The following HDAC4 variants were observed in gnomAD, a reference collection of about 807,000 sequenced individuals.
The protein encoded by HDAC4 is histone deacetylase 4.
In HDAC4, 16 loss-of-function variants were observed where a neutral mutation model predicts 135.1. The observed-to-expected ratio is 0.12, with a 90% CI of 0.08 to 0.18. The LOEUF is 0.18. HDAC4 is among the 10% of genes least tolerant of loss of function. The pLI, the probability that HDAC4 is intolerant of heterozygous loss-of-function variation, is 1.00. For missense variants in HDAC4, 1,143 were observed against 1,511.8 expected, an observed-to-expected ratio of 0.76 and a Z score of 4.05; for synonymous variants, 685 against 653.4, an observed-to-expected ratio of 1.05 and a Z score of -0.74.
At chr2:239,197,015 T>G (rs1416091536) in intron 3 of HDAC4, among the ~76,000 whole-genome samples, 2 of 152,102 alleles carry the variant, frequency 1.3e-5, no homozygotes, top group Non-Finnish European at 2.9e-5. Context: ...GTCCAACTCC[T>G]CCAGGGGATT....
At chr2:239,364,376 G>C (rs1436320510) in intron 1 of HDAC4, among the ~76,000 whole-genome samples, 1 of 152,222 alleles carries the variant, frequency 6.6e-6, no homozygotes, top group African/African-American at 2.4e-5. Context: ...CCTATATGCA[G>C]TGACACAGAT....
intron 9 of HDAC4, among the ~76,000 whole-genome samples, chr2:239,136,330 A>AG (rs2040955176): frequency 1.3e-5 from 2 of 152,202 alleles, no homozygotes; most frequent in Non-Finnish European, 2.9e-5. Context: ...ACTTAACATG[A>AG]GGGCCTCTAG....
At chr2:239,385,339 G>A (rs902728428) in intron 1 of HDAC4, among the ~76,000 whole-genome samples, 3 of 152,262 alleles carry the variant, frequency 2.0e-5, no homozygotes, top group African/African-American at 7.2e-5. Context: ...AGCACTGGCT[G>A]GCAGTGTCAG....
chr2:239,152,939 G>A (rs2042205177), intron 7 of HDAC4, among the ~76,000 whole-genome samples: 1 of 152,242 alleles, frequency 6.6e-6, no homozygotes, highest in Non-Finnish European at 1.5e-5. Flanking sequence ...GATAGCTCCA[G>A]GAGAGAAGCA....
chr2:239,123,585 G>A (rs1413654300), intron 12 of HDAC4, among the ~76,000 whole-genome samples: 1 of 152,224 alleles, frequency 6.6e-6, no homozygotes, highest in Admixed American at 6.5e-5. Context: ...GGCCACAGCC[G>A]GCTGCCATCT....
At chr2:239,339,371 A>G (rs1575715856) in intron 2 of HDAC4, among the ~76,000 whole-genome samples, 1 of 152,264 alleles carries the variant, frequency 6.6e-6, no homozygotes, top group Admixed American at 6.5e-5. Flanking sequence ...AAAGGAAGCA[A>G]CCTCAGCCCC....
At position 239,310,670 on chromosome 2, in the gene HDAC4, G is replaced by A. The variant is rs555122391; in HGVS notation, c.22+42008C>T. 2.6e-5 allele frequency among the ~76,000 whole-genome samples: 4 copies of A among 152,338 alleles called. No homozygotes were observed. The East Asian group carries it at 7.7e-4, about 29-fold the overall frequency. ...GGAGTAAAGGCAATGATGCAAATAT[G>A]ATAAGCAAACAGAGGTCCCAAAACA... On this transcript the variant is annotated intron_variant, in intron 2 of 26. Coordinates refer to ENST00000543185, the MANE Select transcript of HDAC4 (RefSeq NM_001378414.1).
intron 16 of HDAC4, among the ~76,000 whole-genome samples, chr2:239,102,350 A>G (rs1318304363): frequency 3.9e-5 from 6 of 152,194 alleles, no homozygotes; most frequent in Non-Finnish European, 8.8e-5. Flanking sequence ...AGGTGCTTTC[A>G]GCCAGAGCCA....
chr2:239,264,574 C>A (rs1033050328), intron 2 of HDAC4, among the ~76,000 whole-genome samples: 1 of 152,206 alleles, frequency 6.6e-6, no homozygotes, highest in Admixed American at 6.5e-5. Flanking sequence ...CCCTCCTGAT[C>A]CTAAGTGGCC....
intron 7 of HDAC4, among the ~76,000 whole-genome samples, chr2:239,150,826 TACC>T (rs1217005114): frequency 2.7e-5 from 4 of 148,492 alleles, no homozygotes; most frequent in Non-Finnish European, 5.9e-5. Context: ...CTGAAGTATA[TACC>T]ACACCTTCAC....
chr2:239,317,721 A>G (rs2053165635), intron 2 of HDAC4, among the ~76,000 whole-genome samples: 1 of 152,230 alleles, frequency 6.6e-6, no homozygotes. Context: ...AGTTAACTAC[A>G]GGAGTCCACA....
intron 21 of HDAC4, 74 bp downstream of exon 21, chr2:239,082,028 G>A (rs2035385024): frequency 6.6e-7 from 1 of 1,524,076 alleles, no homozygotes; most frequent in Non-Finnish European, 9.1e-7. Context: ...GCTGTGGACC[G>A]TCTGCCCCGT....
intron 6 of HDAC4, among the ~76,000 whole-genome samples, chr2:239,159,289 CTCACT>C (rs918565438): frequency 6.6e-6 from 1 of 150,810 alleles, no homozygotes; most frequent in Non-Finnish European, 1.5e-5. Context: ...CACACCTCAC[CTCACT>C]ACTCACGCCC....
intron 1 of HDAC4, among the ~76,000 whole-genome samples, chr2:239,371,051 C>T (rs1178555682): frequency 6.6e-6 from 1 of 152,222 alleles, no homozygotes; most frequent in Admixed American, 6.5e-5. Context: ...CACTCCTCAG[C>T]TCCTGGCAGC....
intron 1 of HDAC4, among the ~76,000 whole-genome samples, chr2:239,373,195 G>A (rs1027353499): frequency 3.9e-5 from 6 of 152,120 alleles, no homozygotes; most frequent in Non-Finnish European, 5.9e-5. Context: ...CTGCAGCCGC[G>A]CGTACCTCCT....
At chr2:239,082,364 C>T in intron 20 of HDAC4, 143 bp from the exon 21 acceptor site, 1 of 1,099,460 alleles carries the variant, frequency 9.1e-7, no homozygotes, top group Non-Finnish European at 1.4e-6. Flanking sequence ...GGGCCCGTAC[C>T]CGGCAGGCGC....
intron 2 of HDAC4, among the ~76,000 whole-genome samples, chr2:239,289,890 C>T (rs1408341755): frequency 1.3e-5 from 2 of 152,212 alleles, no homozygotes; most frequent in Non-Finnish European, 2.9e-5. Flanking sequence ...TCAAATTACA[C>T]CTAACCTTAT....
chr2:239,162,112 C>T (rs970946787), intron 6 of HDAC4: 21 of 456,640 alleles, frequency 4.6e-5, no homozygotes, highest in Non-Finnish European at 7.5e-5. Context: ...TCACCGTGAC[C>T]CCTGCTTCCC....
intron 5 of HDAC4, among the ~76,000 whole-genome samples, chr2:239,172,504 A>C (rs2043518509): frequency 6.6e-6 from 1 of 152,062 alleles, no homozygotes; most frequent in Non-Finnish European, 1.5e-5. Flanking sequence ...GATGCAGATA[A>C]AGTTGCATTT....
Sources: gnomAD v4.1 joint callset for allele counts (sites outside exome capture counted in the v4.1 genomes callset) on GRCh38, gnomAD v4.1.1 for gene constraint, MANE v1.5 for transcripts, NCBI Gene and HGNC (gene_info 2026-07-23, HGNC 2026-07-21) for gene names.